Variants in SNTG2 observed in about 807,000 individuals in gnomAD.
SNTG2 encodes the protein gamma-2-syntrophin.
In SNTG2, 74 loss-of-function variants were observed where a neutral mutation model predicts 70.9. The observed-to-expected ratio is 1.04, with a 90% CI of 0.86 to 1.27. The LOEUF is 1.27. SNTG2 is among the 50% of genes most tolerant of loss of function. The pLI, the probability that SNTG2 is intolerant of heterozygous loss-of-function variation, is 0.00. For missense variants in SNTG2, 717 were observed against 690.7 expected (o/e 1.04, Z -0.43); for synonymous variants, 278 against 273.8 (o/e 1.02, Z -0.15).
Position 1,273,650 on chromosome 2 carries a change from TAA to T in SNTG2, c.1284+6080_1284+6081del, listed in dbSNP as rs948993406. ...TACATAAATATTATATATATATATA[TAA>T]GTATAAACTCAAAATGAATATAGAA... is the stretch of plus-strand genomic sequence containing the variant. On this transcript the variant is annotated intron_variant, in intron 14 of 16. Coordinates refer to ENST00000308624, the MANE Select transcript of SNTG2 (RefSeq NM_018968.4). Among the ~76,000 whole-genome samples, 17 of 147,468 alleles carry T rather than the reference TAA, an allele frequency of 1.2e-4. No individual in the cohort carries two copies. In the South Asian group the frequency reaches 2.8e-3, roughly 24 times the overall value.
intron 8 of SNTG2, among the ~76,000 whole-genome samples, chr2:1,177,085 C>T (rs982755076): frequency 1.3e-5 from 2 of 152,122 alleles, no homozygotes; most frequent in African/African-American, 4.8e-5. Context: ...AACCCAAATG[C>T]CCATCAATGA....
At chr2:1,153,247 CTTT>C (rs1204681182) in intron 6 of SNTG2, among the ~76,000 whole-genome samples, 2 of 151,930 alleles carry the variant, frequency 1.3e-5, no homozygotes, top group African/African-American at 2.4e-5. Flanking sequence ...ACCGTGACAT[CTTT>C]TTTTTATTAT....
chr2:1,007,228 C>G (rs1334145362), intron 1 of SNTG2, among the ~76,000 whole-genome samples: 1 of 152,080 alleles, frequency 6.6e-6, no homozygotes, highest in African/African-American at 2.4e-5. Flanking sequence ...CACACACACC[C>G]TAGTGAGAAG....
intron 16 of SNTG2, among the ~76,000 whole-genome samples, chr2:1,318,177 AT>A (rs1681373820): frequency 6.6e-6 from 1 of 152,236 alleles, no homozygotes; most frequent in Non-Finnish European, 1.5e-5. Context: ...CCAGTTTAAT[AT>A]AAACTTAATA....
intron 9 of SNTG2, among the ~76,000 whole-genome samples, chr2:1,220,314 T>C (rs1674669328): frequency 6.6e-6 from 1 of 152,268 alleles, no homozygotes; most frequent in Non-Finnish European, 1.5e-5. Context: ...GTCAGCAGTG[T>C]CTGGCTTAAT....
intron 14 of SNTG2, among the ~76,000 whole-genome samples, chr2:1,278,649 G>C (rs1362153642): frequency 2.6e-5 from 4 of 152,176 alleles, no homozygotes; most frequent in Non-Finnish European, 5.9e-5. Context: ...TGGTAGTCAA[G>C]AAAAGAAATA....
chr2:1,355,410 G>A (rs1660797248), intron 16 of SNTG2, among the ~76,000 whole-genome samples: 1 of 152,170 alleles, frequency 6.6e-6, no homozygotes, highest in East Asian at 1.9e-4. Flanking sequence ...GATTGACCCT[G>A]TTAGATTCCA....
chr2:994,410 G>A (rs1465145366), intron 1 of SNTG2, among the ~76,000 whole-genome samples: 1 of 152,008 alleles, frequency 6.6e-6, no homozygotes, highest in Non-Finnish European at 1.5e-5. Flanking sequence ...GCTTATGCCA[G>A]CACTGTACTG....
chr2:1,287,364 G>A (rs1371337456), intron 14 of SNTG2, among the ~76,000 whole-genome samples: 1 of 152,244 alleles, frequency 6.6e-6, no homozygotes, highest in Non-Finnish European at 1.5e-5. Context: ...CCAACCTCGA[G>A]TGAAGTTGGA....
intron 9 of SNTG2, among the ~76,000 whole-genome samples, chr2:1,237,455 A>G (rs771438419): frequency 6.6e-6 from 1 of 151,952 alleles, no homozygotes; most frequent in Non-Finnish European, 1.5e-5. Context: ...TGTTCTCCCA[A>G]AGCTCCCCTG....
chr2:1,082,119 G>A (rs1330035088), intron 1 of SNTG2, among the ~76,000 whole-genome samples: 3 of 152,122 alleles, frequency 2.0e-5, no homozygotes, highest in Admixed American at 6.5e-5. Context: ...AGCTTCCCTC[G>A]GCGATGGTCT....
At chr2:956,454 G>A (rs913129795) in intron 1 of SNTG2, among the ~76,000 whole-genome samples, 5 of 152,102 alleles carry the variant, frequency 3.3e-5, no homozygotes, top group Non-Finnish European at 7.4e-5. Flanking sequence ...GGTTGGGCAC[G>A]TGGAGCGCTG....
chr2:1,069,340 A>G (rs1289732081), intron 1 of SNTG2, among the ~76,000 whole-genome samples: 1 of 65,180 alleles, frequency 1.5e-5, no homozygotes, highest in African/African-American at 4.8e-5. Context: ...TATATAAATG[A>G]AAAAAAAAAA....
Position 1,083,508 on chromosome 2 carries a change from G to GT in SNTG2, c.73-9dup. 6.2e-7 allele frequency: 1 copy of GT among 1,613,280 alleles called. No individual in the cohort carries two copies. On this transcript the variant is annotated splice_polypyrimidine_tract_variant and intron_variant, in intron 1 of 16. Coordinates refer to ENST00000308624, the MANE Select transcript of SNTG2 (RefSeq NM_018968.4). ...CACCATTTTTTTGTGTTTCCACTTTGTCCCTACAGACGAAAACCACTATTG... is the reference window on the plus strand; with the variant it reads ...CACCATTTTTTTGTGTTTCCACTTTGTTCCCTACAGACGAAAACCACTATTG...
In SNTG2 at chr2:1,165,689, C is replaced by T. The variant is rs774070088; in HGVS notation, c.499+54C>T. 3.3e-5 allele frequency: 47 copies of T among 1,423,444 alleles called. 1 individual carries two copies. The South Asian group carries it at 5.4e-4, about 16-fold the overall frequency. 88.2% of individuals were successfully genotyped at this position (1,423,444 alleles called of 1,614,324 possible). On this transcript the variant is annotated intron_variant, in intron 7 of 16. Transcript: ENST00000308624. ...TGCTGGAGAAATTCCTTTCTTGCCA[C>T]ATTATTTATCCAAATGCTACCACAT...
At chr2:1,006,606 A>G (rs1284278461) in intron 1 of SNTG2, among the ~76,000 whole-genome samples, 1 of 152,224 alleles carries the variant, frequency 6.6e-6, no homozygotes, top group African/African-American at 2.4e-5. Context: ...ATGCATTTGA[A>G]TAGAAAATGT....
At chr2:960,534 C>A (rs551547635) in intron 1 of SNTG2, among the ~76,000 whole-genome samples, 3 of 152,166 alleles carry the variant, frequency 2.0e-5, no homozygotes, top group African/African-American at 7.2e-5. Flanking sequence ...GCTGGGAGCA[C>A]GGTGAGCTCT....
At chr2:1,168,375 T>G (rs1670894468) in intron 7 of SNTG2, among the ~76,000 whole-genome samples, 1 of 152,146 alleles carries the variant, frequency 6.6e-6, no homozygotes. Flanking sequence ...CCACTAGGGC[T>G]TCAGGAGCTG....
At chr2:975,856 C>T (rs1318619160) in intron 1 of SNTG2, among the ~76,000 whole-genome samples, 1 of 152,210 alleles carries the variant, frequency 6.6e-6, no homozygotes, top group African/African-American at 2.4e-5. Flanking sequence ...CAAGATGTTA[C>T]TTTACCAGAC....
Sources: gnomAD v4.1 joint callset for allele counts (sites outside exome capture counted in the v4.1 genomes callset) on GRCh38, gnomAD v4.1.1 for gene constraint, MANE v1.5 for transcripts, NCBI Gene and HGNC (gene_info 2026-07-23, HGNC 2026-07-21) for gene names.